The following ADORA2B variants were observed in gnomAD, a reference collection of about 807,000 sequenced individuals.
ADORA2B encodes adenosine A2b receptor.
In ADORA2B, 18 loss-of-function variants were observed where a neutral mutation model predicts 20.8. That is an observed-to-expected ratio of 0.87 (90% CI 0.60 to 1.29). The LOEUF is 1.29. Ranked by LOEUF, ADORA2B falls within the 50% of genes most tolerant of loss-of-function variation. ADORA2B has a pLI of 0.00. For missense variants in ADORA2B, 441 were observed against 422.7 expected, an observed-to-expected ratio of 1.04 and a Z score of -0.38; for synonymous variants, 179 against 178.3, an observed-to-expected ratio of 1.00 and a Z score of -0.03.
rs748923120 is a variant in ADORA2B, at chr17:15,963,760, CTCT to C, written c.336-10914_336-10912del. On this transcript the variant is annotated intron_variant, in intron 1 of 1. Transcript: ENST00000304222. ...TCACTGGTGGACCACCTTGGATTGC[CTCT>C]TCTTGCCATAGGAAGCTGGTTGGGA... 1.1e-4 allele frequency among the ~76,000 whole-genome samples: 16 copies of C among 152,328 alleles called. No homozygotes were observed. In the South Asian group the frequency reaches 2.9e-3, roughly 28 times the overall value.
the ADORA2B span, among the ~76,000 whole-genome samples, chr17:15,939,936 T>C: frequency 6.6e-6 from 1 of 152,072 alleles, no homozygotes; most frequent in South Asian, 2.1e-4. Context: ...TGTGTAACAT[T>C]ACTTCATACA....
the ADORA2B span, among the ~76,000 whole-genome samples, chr17:15,922,726 A>G: frequency 1.3e-5 from 2 of 152,224 alleles, no homozygotes; most frequent in East Asian, 1.9e-4. Context: ...TTGCTGGGTC[A>G]AAGAGTTTAT....
intron 1 of ADORA2B, among the ~76,000 whole-genome samples, chr17:15,948,180 T>C (rs550124696): frequency 3.1e-4 from 33 of 104,914 alleles, no homozygotes; most frequent in Non-Finnish European, 5.9e-4. Flanking sequence ...GTGAGGCCTG[T>C]GGCCGCAGAG....
the ADORA2B span, among the ~76,000 whole-genome samples, chr17:15,895,492 G>A: frequency 1.3e-5 from 2 of 152,116 alleles, no homozygotes; most frequent in Non-Finnish European, 2.9e-5. Flanking sequence ...ATCCGGAGCC[G>A]GGATCGGAGA....
intron 1 of ADORA2B, among the ~76,000 whole-genome samples, chr17:15,963,511 G>T (rs928275146): frequency 3.9e-5 from 6 of 152,186 alleles, no homozygotes; most frequent in African/African-American, 1.4e-4. Flanking sequence ...TTGGGGCAGA[G>T]GACAGAGTGT....
intron 1 of ADORA2B, among the ~76,000 whole-genome samples, chr17:15,951,881 C>T (rs1969907758): frequency 6.6e-6 from 1 of 152,180 alleles, no homozygotes; most frequent in Non-Finnish European, 1.5e-5. Flanking sequence ...CCACCCTGGG[C>T]CCTGCCCTGA....
the ADORA2B span, among the ~76,000 whole-genome samples, chr17:15,892,586 C>T: frequency 6.6e-6 from 1 of 152,092 alleles, no homozygotes; most frequent in East Asian, 1.9e-4. Flanking sequence ...CTGGCCCATA[C>T]AGCATTTTCT....
At chr17:15,939,370 C>T in the ADORA2B span, among the ~76,000 whole-genome samples, 1 of 152,188 alleles carries the variant, frequency 6.6e-6, no homozygotes, top group African/African-American at 2.4e-5. Context: ...TGGAAACAGT[C>T]CTCCTGGAGC....
chr17:15,878,034 G>A, the ADORA2B span, among the ~76,000 whole-genome samples: 1 of 152,048 alleles, frequency 6.6e-6, no homozygotes, highest in Admixed American at 6.6e-5. Context: ...TGGTTTCGTG[G>A]GGCTTCACAA....
At chr17:15,872,868 C>T in the ADORA2B span, among the ~76,000 whole-genome samples, 1 of 152,140 alleles carries the variant, frequency 6.6e-6, no homozygotes, top group Non-Finnish European at 1.5e-5. Flanking sequence ...GTATGACTTC[C>T]TCTTTTCCAA....
the ADORA2B span, among the ~76,000 whole-genome samples, chr17:15,927,759 G>A: frequency 6.6e-6 from 1 of 152,252 alleles, no homozygotes; most frequent in African/African-American, 2.4e-5. Context: ...AGCGGCTGTG[G>A]AGAATGCAGG....
the ADORA2B span, among the ~76,000 whole-genome samples, chr17:15,920,879 G>A: frequency 2.6e-4 from 39 of 152,216 alleles, no homozygotes; most frequent in Non-Finnish European, 4.3e-4. Flanking sequence ...GGGGGCCAAC[G>A]GGATGACTCA....
the ADORA2B span, among the ~76,000 whole-genome samples, chr17:15,856,183 A>G: frequency 6.6e-6 from 1 of 151,502 alleles, no homozygotes; most frequent in African/African-American, 2.4e-5. Context: ...TGATGGTTTT[A>G]TAAGTGTTTG....
the ADORA2B span, among the ~76,000 whole-genome samples, chr17:15,861,682 G>A: frequency 6.6e-6 from 1 of 152,200 alleles, no homozygotes; most frequent in Admixed American, 6.5e-5. Flanking sequence ...GGGCAGGACT[G>A]CAAGACCAAC....
chr17:15,867,484 A>G, the ADORA2B span, among the ~76,000 whole-genome samples: 2 of 138,318 alleles, frequency 1.4e-5, no homozygotes, highest in Admixed American at 7.0e-5. Flanking sequence ...GCCCCGTCTG[A>G]GAAGTGAGGA....
At chr17:15,881,834 C>T in the ADORA2B span, among the ~76,000 whole-genome samples, 1 of 152,212 alleles carries the variant, frequency 6.6e-6, no homozygotes, top group African/African-American at 2.4e-5. Context: ...TTGTGGTTTT[C>T]CTTGTGTCTT....
chr17:15,891,691 T>C, the ADORA2B span, among the ~76,000 whole-genome samples: 1 of 151,978 alleles, frequency 6.6e-6, no homozygotes, highest in South Asian at 2.1e-4. Flanking sequence ...TTCTCTCTTT[T>C]TTTTTTTCAA....
At chr17:15,872,602 A>C in the ADORA2B span, among the ~76,000 whole-genome samples, 11 of 152,272 alleles carry the variant, frequency 7.2e-5, no homozygotes, top group South Asian at 2.3e-3. Flanking sequence ...CTTCTTGTAC[A>C]GATCTTTCAC....
chr17:15,916,420 C>T, the ADORA2B span, among the ~76,000 whole-genome samples: 1,483 of 152,072 alleles, frequency 9.8e-3, 31 homozygotes, highest in African/African-American at 0.033. Flanking sequence ...ACAAGACTCA[C>T]ATCTCCAACA....
Sources: gnomAD v4.1 joint callset for allele counts (sites outside exome capture counted in the v4.1 genomes callset) on GRCh38, gnomAD v4.1.1 for gene constraint, MANE v1.5 for transcripts, NCBI Gene and HGNC (gene_info 2026-07-23, HGNC 2026-07-21) for gene names.